Variants in MCF2L2 observed in about 807,000 individuals in gnomAD.
MCF2L2 encodes probable guanine nucleotide exchange factor MCF2L2.
In MCF2L2, 102 loss-of-function variants were observed where a neutral mutation model predicts 150.2. The observed-to-expected ratio is 0.68, with a 90% CI of 0.58 to 0.80. The LOEUF is 0.80. Among genes scored for constraint, MCF2L2 ranks in the 30% least tolerant of loss-of-function variants. The pLI, the probability that MCF2L2 is intolerant of heterozygous loss-of-function variation, is 0.00. For missense variants in MCF2L2, 1,256 were observed against 1,372.8 expected (o/e 0.91, Z 1.34); for synonymous variants, 465 against 491.3 (o/e 0.95, Z 0.71).
intron 15 of MCF2L2, 198 bp from the exon 16 acceptor site, chr3:183,231,215 G>A (rs986181929): frequency 1.5e-6 from 1 of 671,150 alleles, no homozygotes. Flanking sequence ...TGATCACACT[G>A]GTATCAAGAA....
intron 15 of MCF2L2, chr3:183,276,590 TC>T (rs1727163804): frequency 2.8e-6 from 1 of 354,072 alleles, no homozygotes. Flanking sequence ...TCAGTCAATA[TC>T]AACATTAGCT....
At position 183,227,763 on chromosome 3, in the gene MCF2L2, G is replaced by A. The variant is rs1211277243; in HGVS notation, c.2115+534C>T. On this transcript the variant is annotated intron_variant, in intron 18 of 29. Transcript: ENST00000328913. The surrounding 1 kb of genome is among the most constrained non-coding windows in gnomAD (Gnocchi z 4.0). ...CTCATTCTCACCTTGGATAAAGTCA[G>A]ATAAAGTTGGGAGGCCAACTCATGT... 1 of 152,384 alleles carries A rather than the reference G, an allele frequency of 6.6e-6. No individual in the cohort carries two copies. The highest frequency in any genetic ancestry group is 2.4e-5 in the African/African-American group (1 of 41,440). 9.4% of individuals were successfully genotyped at this position (152,384 alleles called of 1,614,324 possible).
intron 22 of MCF2L2, among the ~76,000 whole-genome samples, chr3:183,215,245 C>A (rs1174978457): frequency 6.6e-6 from 1 of 152,178 alleles, no homozygotes; most frequent in South Asian, 2.1e-4. Context: ...CTCTAAGCCA[C>A]CAAGCTTATG....
At chr3:183,304,007 G>C (rs1425444675) in intron 10 of MCF2L2, among the ~76,000 whole-genome samples, 2 of 152,020 alleles carry the variant, frequency 1.3e-5, no homozygotes, top group Non-Finnish European at 2.9e-5. Context: ...GCAGCTTCAG[G>C]CCTCCATCCC....
At chr3:183,345,132 C>T (rs930974511) in intron 3 of MCF2L2, among the ~76,000 whole-genome samples, 2 of 152,320 alleles carry the variant, frequency 1.3e-5, no homozygotes. Context: ...CTCAGCACCA[C>T]ATAGCACTTA....
At chr3:183,262,082 T>C (rs191641714) in intron 15 of MCF2L2, among the ~76,000 whole-genome samples, 488 of 149,014 alleles carry the variant, frequency 3.3e-3, no homozygotes, top group African/African-American at 0.011. Flanking sequence ...TATATATATA[T>C]ACCAAATTAA....
intron 15 of MCF2L2, among the ~76,000 whole-genome samples, chr3:183,274,950 A>G (rs1018556417): frequency 2.7e-5 from 4 of 149,060 alleles, no homozygotes; most frequent in Non-Finnish European, 5.9e-5. Flanking sequence ...TTCCTCCTTC[A>G]TTCCCTATAG....
chr3:183,421,342 C>A (rs1430337689), intron 1 of MCF2L2, among the ~76,000 whole-genome samples: 3 of 152,342 alleles, frequency 2.0e-5, no homozygotes, highest in African/African-American at 7.2e-5. Flanking sequence ...AGGCTCTATT[C>A]ATTTTTCTCT....
intron 7 of MCF2L2, among the ~76,000 whole-genome samples, chr3:183,316,380 T>C (rs1241693612): frequency 6.6e-6 from 1 of 152,080 alleles, no homozygotes; most frequent in African/African-American, 2.4e-5. Flanking sequence ...AGTCTCACTC[T>C]GTCACCCAGG....
intron 2 of MCF2L2, among the ~76,000 whole-genome samples, chr3:183,383,762 ATATTT>A (rs754143404): frequency 6.6e-5 from 10 of 152,016 alleles, no homozygotes; most frequent in Non-Finnish European, 1.2e-4. Flanking sequence ...ACAGTTCCTT[ATATTT>A]TATTTTTTAA....
rs1723475460 is a variant in MCF2L2, at chr3:183,229,693, A to G, written c.2018T>C (p.Ile673Thr). ...GTTGTGAAATTCGTAAAGTTCTCTAATATTCCCAAAGAGAAAGTCCTTGTT... is the reference window on the plus strand; with the variant it reads ...GTTGTGAAATTCGTAAAGTTCTCTAGTATTCCCAAAGAGAAAGTCCTTGTT... Reference protein sequence around the residue: ...QNNKDFLFGNIRELYEFHNRT... With the variant: ...QNNKDFLFGNTRELYEFHNRT... The change falls in exon 17 of 30, where the codon ATT becomes ACT. Residue 673 changes from isoleucine to threonine, a missense_variant. By Grantham distance (89) the Ile-to-Thr change is moderately conservative. Transcript: ENST00000328913. 3.2e-6 allele frequency: 5 copies of G among 1,578,552 alleles called. No homozygotes were observed. Among genetic ancestry groups the G allele is most frequent in the East Asian group, 2.2e-5 (1 of 44,516 alleles).
intron 15 of MCF2L2, among the ~76,000 whole-genome samples, chr3:183,249,768 G>A (rs1426044305): frequency 6.6e-6 from 1 of 152,208 alleles, no homozygotes; most frequent in African/African-American, 2.4e-5. Flanking sequence ...GGCATCAAAG[G>A]AGACGTACAC....
intron 26 of MCF2L2, among the ~76,000 whole-genome samples, chr3:183,194,417 C>T (rs1722013368): frequency 6.6e-6 from 1 of 152,194 alleles, no homozygotes; most frequent in Non-Finnish European, 1.5e-5. Context: ...GCACATCTTC[C>T]TCCCAGACAA....
intron 5 of MCF2L2, among the ~76,000 whole-genome samples, chr3:183,327,051 G>C (rs1012946119): frequency 6.6e-6 from 1 of 152,110 alleles, no homozygotes; most frequent in African/African-American, 2.4e-5. Flanking sequence ...AATAGGCCGG[G>C]CATGGTGGCT....
intron 3 of MCF2L2, among the ~76,000 whole-genome samples, chr3:183,343,313 T>C (rs1045539281): frequency 1.3e-5 from 2 of 151,780 alleles, no homozygotes; most frequent in South Asian, 4.2e-4. Flanking sequence ...TTGCCTATTC[T>C]GAGAATAGGC....
intron 3 of MCF2L2, among the ~76,000 whole-genome samples, chr3:183,357,954 A>G (rs1437145458): frequency 1.3e-5 from 2 of 152,178 alleles, no homozygotes; most frequent in African/African-American, 4.8e-5. Context: ...TGTTGGAGAA[A>G]CTGGACAGCA....
In MCF2L2 at chr3:183,257,625, T is replaced by A. The variant is rs567699237; in HGVS notation, c.1862+19247A>T. ...CCTCTTGTTTTACACCATCTTCTAC[T>A]TTTTGTACCTCTGTGTTATAAACCC... On this transcript the variant is annotated intron_variant, in intron 15 of 29. Transcript: ENST00000328913. 1.4e-4 allele frequency among the ~76,000 whole-genome samples: 22 copies of A among 152,294 alleles called. 1 individual carries two copies. In the South Asian group the frequency reaches 4.6e-3, roughly 32 times the overall value.
Position 183,364,498 on chromosome 3 carries a change from C to T in MCF2L2, c.275+14799G>A, listed in dbSNP as rs184622056. Among the ~76,000 whole-genome samples the T allele has an allele frequency of 2.4e-4, 37 of 151,722 alleles. 1 individual carries two copies. The highest frequency in any genetic ancestry group is 1.7e-3 in the East Asian group (9 of 5,152). Reference sequence around the variant, plus strand: ...TCACGCCACTGCACTCCAGCCTGGGCAACAGAGCGAGACTCCATCTCAAAA... The same window carrying T: ...TCACGCCACTGCACTCCAGCCTGGGTAACAGAGCGAGACTCCATCTCAAAA... On this transcript the variant is annotated intron_variant, in intron 3 of 29. Transcript: ENST00000328913.
At chr3:183,221,730 C>T (rs1292739861) in intron 20 of MCF2L2, among the ~76,000 whole-genome samples, 1 of 152,188 alleles carries the variant, frequency 6.6e-6, no homozygotes, top group Non-Finnish European at 1.5e-5. Flanking sequence ...CAAACATGCT[C>T]TGAGGTGCTG....
Sources: allele counts gnomAD v4.1 joint callset (sites outside exome capture counted in the v4.1 genomes callset), GRCh38; gene constraint gnomAD v4.1.1; non-coding constraint Gnocchi (gnomAD v3.1); transcripts MANE v1.5; gene names NCBI Gene and HGNC (gene_info 2026-07-23, HGNC 2026-07-21).